Variants in KIFAP3 observed in about 807,000 individuals in gnomAD.
KIFAP3 encodes the protein kinesin-associated protein 3.
Under a neutral mutation model 106.5 loss-of-function variants are expected in KIFAP3, and 68 were observed. The observed-to-expected ratio is 0.64, with a 90% CI of 0.53 to 0.78. The LOEUF (loss-of-function observed/expected upper bound fraction) is 0.78. KIFAP3 is among the 30% of genes least tolerant of loss of function. The pLI is 0.00. For missense variants in KIFAP3, 780 were observed against 941.8 expected, an observed-to-expected ratio of 0.83 and a Z score of 2.25; for synonymous variants, 320 against 311.5, an observed-to-expected ratio of 1.03 and a Z score of -0.29.
intron 10 of KIFAP3, among the ~76,000 whole-genome samples, chr1:170,008,003 A>G (rs1201680950): frequency 2.6e-5 from 4 of 152,212 alleles, no homozygotes; most frequent in Non-Finnish European, 5.9e-5. Flanking sequence ...AACCTGACAA[A>G]AACATACAAT....
In KIFAP3 at chr1:169,993,205, T is replaced by C. The variant is rs576597096; in HGVS notation, c.1184-950A>G. 2.4e-4 allele frequency among the ~76,000 whole-genome samples: 36 copies of C among 151,766 alleles called. No homozygotes were observed. In the East Asian group the frequency reaches 7.0e-3, roughly 29 times the overall value. Reference sequence around the variant, plus strand: ...TCACTGCAACCTCCACCTCCCAGGTTCAAGGGATTCTCCTGCCTCAACCTC... The same window carrying C: ...TCACTGCAACCTCCACCTCCCAGGTCCAAGGGATTCTCCTGCCTCAACCTC... On this transcript the variant is annotated intron_variant, in intron 10 of 19. Transcript: ENST00000361580.
chr1:170,064,909 T>C (rs1671359261), intron 1 of KIFAP3, among the ~76,000 whole-genome samples: 1 of 152,248 alleles, frequency 6.6e-6, no homozygotes, highest in Non-Finnish European at 1.5e-5. Context: ...TTTGCATCCT[T>C]GCTCATTCAG....
At chr1:170,026,123 G>A (rs1669089617) in intron 8 of KIFAP3, among the ~76,000 whole-genome samples, 1 of 152,108 alleles carries the variant, frequency 6.6e-6, no homozygotes, top group South Asian at 2.1e-4. Context: ...GAAGCACCAA[G>A]AATTGCTGGG....
At chr1:169,994,050 T>G (rs915572417) in intron 10 of KIFAP3, among the ~76,000 whole-genome samples, 1 of 152,184 alleles carries the variant, frequency 6.6e-6, no homozygotes, top group African/African-American at 2.4e-5. Context: ...GAGTAGGTAT[T>G]TAATAATTGT....
chr1:169,947,009 C>T (rs938308855), intron 19 of KIFAP3, among the ~76,000 whole-genome samples: 12 of 151,778 alleles, frequency 7.9e-5, no homozygotes, highest in African/African-American at 2.9e-4. Context: ...TTTACCATCC[C>T]ACAAGTTTAA....
chr1:169,982,729 G>C lies in KIFAP3; in HGVS notation c.1645C>G (p.Pro549Ala). The change falls in exon 14 of 20, where the codon CCA becomes GCA. Residue 549 changes from proline to alanine, a missense_variant. Around this residue, in one of 3 missense-constraint regions of KIFAP3, gnomAD observed 588 missense variants for 678.9 expected, o/e 0.87. Coordinates refer to ENST00000361580, the MANE Select transcript of KIFAP3 (RefSeq NM_014970.4). The stretch of plus-strand genomic sequence containing the variant: ...GGTTTTAGTTTATCCTTGAGGTATG[G>C]AACCAACTTATATTCTTTAAGAACC... ...ELVLKEYKLV[P>A]YLKDKLKPGA... is the part of the protein sequence containing the mutation. 1.2e-6 allele frequency: 2 copies of C among 1,607,558 alleles called. No homozygotes were observed. Among genetic ancestry groups the C allele is most frequent in the South Asian group, 1.1e-5 (1 of 90,194 alleles).
At chr1:170,044,102 A>T (rs1670121833) in intron 3 of KIFAP3, among the ~76,000 whole-genome samples, 2 of 152,222 alleles carry the variant, frequency 1.3e-5, no homozygotes, top group African/African-American at 4.8e-5. Context: ...GGGAGTGAAG[A>T]GAAATTCCCA....
intron 19 of KIFAP3, among the ~76,000 whole-genome samples, chr1:169,949,938 G>A (rs1488436571): frequency 6.6e-6 from 1 of 152,148 alleles, no homozygotes; most frequent in Non-Finnish European, 1.5e-5. Context: ...GAATGGGATA[G>A]ATGAGTTTAA....
intron 7 of KIFAP3, 114 bp downstream of exon 7, chr1:170,034,258 C>T (rs1669562629): frequency 1.1e-6 from 1 of 931,086 alleles, no homozygotes; most frequent in Non-Finnish European, 1.6e-6. Flanking sequence ...TGCATTGTTT[C>T]CAAGTAATGT....
chr1:169,959,661 G>A (rs1007801346), intron 18 of KIFAP3, among the ~76,000 whole-genome samples: 1 of 152,070 alleles, frequency 6.6e-6, no homozygotes, highest in East Asian at 1.9e-4. Context: ...GATGAATACT[G>A]AGGTGGTTAA....
chr1:170,066,105 C>CT (rs148665698), intron 1 of KIFAP3, among the ~76,000 whole-genome samples: 15 of 144,882 alleles, frequency 1.0e-4, no homozygotes, highest in South Asian at 2.2e-4. Context: ...TTTTAGTTAC[C>CT]TTTTTTTTTT....
At chr1:170,071,741 C>A (rs146239032) in intron 1 of KIFAP3, among the ~76,000 whole-genome samples, 108 of 152,326 alleles carry the variant, frequency 7.1e-4, no homozygotes, top group African/African-American at 2.4e-3. Context: ...AAAACTGAAA[C>A]ACCTCCCAGG....
At chr1:170,069,127 G>T (rs1340531705) in intron 1 of KIFAP3, among the ~76,000 whole-genome samples, 1 of 151,964 alleles carries the variant, frequency 6.6e-6, no homozygotes, top group Non-Finnish European at 1.5e-5. Flanking sequence ...ACATGAAAAA[G>T]AATAATTCCT....
rs375224022 is a variant in KIFAP3 at position 169,960,586 on chromosome 1, C to G, written c.2173+460G>C. On this transcript the variant is annotated intron_variant, in intron 18 of 19. Transcript: ENST00000361580. ...AACAATTACTCTAAAGTGCCTAAATCGTCCCCAAAGTTACCATATAGAGTT... is the reference window on the plus strand; with the variant it reads ...AACAATTACTCTAAAGTGCCTAAATGGTCCCCAAAGTTACCATATAGAGTT... Among the ~76,000 whole-genome samples, 5 of 152,146 alleles carry G rather than the reference C, an allele frequency of 3.3e-5. No homozygotes were observed. The East Asian group carries it at 7.7e-4, about 23-fold the overall frequency.
At chr1:170,070,048 T>C (rs1254212730) in intron 1 of KIFAP3, among the ~76,000 whole-genome samples, 1 of 151,954 alleles carries the variant, frequency 6.6e-6, no homozygotes, top group Non-Finnish European at 1.5e-5. Flanking sequence ...AAAAGGAAAT[T>C]TAGAAAACTT....
At chr1:170,022,952 A>C (rs1286410386) in intron 9 of KIFAP3, among the ~76,000 whole-genome samples, 1 of 152,116 alleles carries the variant, frequency 6.6e-6, no homozygotes, top group East Asian at 1.9e-4. Context: ...AATCACTTTG[A>C]ATTTTGAAAA....
intron 9 of KIFAP3, among the ~76,000 whole-genome samples, chr1:170,022,888 T>C (rs76674191): frequency 0.065 from 9,868 of 152,196 alleles, 389 homozygotes; most frequent in Non-Finnish European, 0.095. Context: ...AAACACATAA[T>C]TGTATTAGTT....
intron 3 of KIFAP3, among the ~76,000 whole-genome samples, chr1:170,045,544 C>A (rs1035644838): frequency 1.3e-5 from 2 of 152,084 alleles, no homozygotes; most frequent in East Asian, 3.9e-4. Flanking sequence ...TAAATTGGTC[C>A]TACTATAATT....
intron 1 of KIFAP3, among the ~76,000 whole-genome samples, chr1:170,083,541 G>C (rs1672052124): frequency 6.6e-6 from 1 of 152,122 alleles, no homozygotes; most frequent in Non-Finnish European, 1.5e-5. Flanking sequence ...GTAAAATAGG[G>C]GTAATAGTCT....
Sources: gnomAD v4.1 joint callset for allele counts (sites outside exome capture counted in the v4.1 genomes callset) on GRCh38, gnomAD v4.1.1 for gene constraint, gnomAD v4.1.1 regional missense constraint, MANE v1.5 for transcripts, NCBI Gene and HGNC (gene_info 2026-07-23, HGNC 2026-07-21) for gene names.